CEP112: variants seen among roughly 807,000 people sequenced by gnomAD.
CEP112 encodes centrosomal protein 112.
Under a neutral mutation model 153.0 loss-of-function variants are expected in CEP112, and 127 were observed. The observed-to-expected ratio is 0.83, with a 90% CI of 0.72 to 0.96. CEP112 has a LOEUF of 0.96. Among genes scored for constraint, CEP112 ranks in the 40% least tolerant of loss-of-function variants. The pLI is 0.00. For missense variants in CEP112, 1,089 were observed against 1,101.2 expected (o/e 0.99, Z 0.16); for synonymous variants, 358 against 374.4 (o/e 0.96, Z 0.51).
intron 8 of CEP112, among the ~76,000 whole-genome samples, chr17:66,095,783 C>T (rs936200815): frequency 1.3e-5 from 2 of 152,124 alleles, no homozygotes; most frequent in Non-Finnish European, 2.9e-5. Flanking sequence ...TAAACATCTA[C>T]AATTTTGTCC....
rs549766467 is a variant in CEP112 at position 66,056,961 on chromosome 17, G to A, written c.1075-3082C>T. On this transcript the variant is annotated intron_variant, in intron 11 of 26. Transcript: ENST00000535342. ...TGTTGACAGCTGGGGCAAAAGTCAAGACAGGAAGAAGAATTGTGAGAAAAG... is the reference window on the plus strand; with the variant it reads ...TGTTGACAGCTGGGGCAAAAGTCAAAACAGGAAGAAGAATTGTGAGAAAAG... Among the ~76,000 whole-genome samples the A allele has an allele frequency of 9.9e-5, 15 of 152,264 alleles. No homozygotes were observed. The South Asian group carries it at 1.9e-3, about 19-fold the overall frequency.
intron 12 of CEP112, among the ~76,000 whole-genome samples, chr17:66,046,843 A>G (rs2066231079): frequency 6.6e-6 from 1 of 152,106 alleles, no homozygotes; most frequent in Non-Finnish European, 1.5e-5. Context: ...TGCAGCTGTA[A>G]GCCAGAAAAT....
chr17:65,809,990 T>C lies in CEP112; in HGVS notation c.2394+41814A>G, dbSNP rs147651534. Among the ~76,000 whole-genome samples the C allele has an allele frequency of 5.4e-3, 821 of 152,276 alleles. 4 individuals carry two copies. Among genetic ancestry groups the C allele is most frequent in the Non-Finnish European group, 6.1e-3 (416 of 68,024 alleles). The stretch of plus-strand genomic sequence containing the variant: ...AACCTATCAGAGAAGGAGTGATCAA[T>C]GGTGTCAAAACTTCTGAGAAGTCAA... On this transcript the variant is annotated intron_variant, in intron 21 of 26. Coordinates refer to ENST00000535342, the MANE Select transcript of CEP112 (RefSeq NM_001199165.4).
intron 18 of CEP112, among the ~76,000 whole-genome samples, chr17:65,937,793 G>C (rs1250295087): frequency 1.2e-5 from 1 of 81,100 alleles, no homozygotes; most frequent in Non-Finnish European, 2.5e-5. Context: ...GGAGGGGGGT[G>C]GGGGGGGTCA....
At chr17:65,878,669 T>C (rs542167412) in intron 20 of CEP112, among the ~76,000 whole-genome samples, 2 of 152,088 alleles carry the variant, frequency 1.3e-5, no homozygotes, top group South Asian at 2.1e-4. Flanking sequence ...CATTTAGCTA[T>C]CACACATTCT....
chr17:65,772,011 G>A (rs1329237179), intron 21 of CEP112, among the ~76,000 whole-genome samples: 1 of 151,910 alleles, frequency 6.6e-6, no homozygotes. Context: ...AACACAGCAA[G>A]ACCCTGTCCC....
chr17:66,053,676 G>A (rs1598241829), intron 12 of CEP112, 60 bp downstream of exon 12: 2 of 1,532,200 alleles, frequency 1.3e-6, no homozygotes, highest in Non-Finnish European at 1.8e-6. Flanking sequence ...AGGGAAACAT[G>A]AGGACATGGA....
intron 4 of CEP112, among the ~76,000 whole-genome samples, chr17:66,136,992 C>T (rs1386661682): frequency 1.3e-5 from 2 of 151,750 alleles, no homozygotes; most frequent in Non-Finnish European, 2.9e-5. Flanking sequence ...TGAAAAATGG[C>T]CCAAAGAAAG....
rs187464796 is a variant in CEP112 at position 65,979,374 on chromosome 17, C to T, written c.1737-17776G>A. ...TCAGCCTCCCAAGAAGCTGGGACTA[C>T]AGGTCCACACCTCTACGCGGGTCTA... On this transcript the variant is annotated intron_variant, in intron 17 of 26. Coordinates refer to ENST00000535342, the MANE Select transcript of CEP112 (RefSeq NM_001199165.4). Among the ~76,000 whole-genome samples, 131 of 152,158 alleles carry T rather than the reference C, an allele frequency of 8.6e-4. 3 individuals carry two copies. In the South Asian group the frequency reaches 8.7e-3, roughly 10 times the overall value.
At chr17:65,892,927 G>C (rs950782939) in intron 20 of CEP112, among the ~76,000 whole-genome samples, 19 of 152,090 alleles carry the variant, frequency 1.2e-4, no homozygotes, top group Admixed American at 2.0e-4. Flanking sequence ...AACGAAATAA[G>C]TAAGGTCCCA....
Position 66,037,435 on chromosome 17 carries a change from C to G in CEP112, c.1219-7412G>C, listed in dbSNP as rs77454727. 1.4e-4 allele frequency among the ~76,000 whole-genome samples: 22 copies of G among 152,084 alleles called. 1 individual carries two copies. Among genetic ancestry groups the G allele is most frequent in the Non-Finnish European group, 2.8e-4 (19 of 68,000 alleles). The stretch of plus-strand genomic sequence containing the variant: ...CGTGCTGGTCATGCTAATGTCACTG[C>G]GGTATTATGACATTAGCATTTCAAA... On this transcript the variant is annotated intron_variant, in intron 12 of 26. Transcript: ENST00000535342.
intron 21 of CEP112, among the ~76,000 whole-genome samples, chr17:65,813,709 C>T (rs1423693829): frequency 2.0e-5 from 3 of 152,144 alleles, no homozygotes; most frequent in Non-Finnish European, 2.9e-5. Flanking sequence ...GTGCTTTACA[C>T]ATGGAAAGCA....
chr17:65,985,102 GA>G (rs1382564091), intron 17 of CEP112, among the ~76,000 whole-genome samples: 3 of 152,140 alleles, frequency 2.0e-5, no homozygotes, highest in Non-Finnish European at 4.4e-5. Flanking sequence ...AAAGAAACCT[GA>G]ATATAAAAGC....
intron 4 of CEP112, among the ~76,000 whole-genome samples, chr17:66,161,699 G>T (rs918882541): frequency 6.6e-6 from 1 of 152,048 alleles, no homozygotes; most frequent in Non-Finnish European, 1.5e-5. Context: ...GGGGGCTAGG[G>T]GAGGGATAGC....
chr17:65,650,754 A>AAT (rs2143595931), intron 24 of CEP112, among the ~76,000 whole-genome samples: 1 of 149,964 alleles, frequency 6.7e-6, no homozygotes, highest in Admixed American at 6.7e-5. Flanking sequence ...AAAAAAAAAA[A>AAT]AAATTAGCTG....
At position 66,053,788 on chromosome 17, in the gene CEP112, T is replaced by C. The variant is rs2066555149; in HGVS notation, c.1166A>G (p.Asn389Ser). The change falls in exon 12 of 27, where the codon AAT becomes AGT. Residue 389 changes from asparagine (N) to serine (S), a missense_variant. Asn to Ser is a conservative substitution (Grantham distance 46). Coordinates refer to ENST00000535342, the MANE Select transcript of CEP112 (RefSeq NM_001199165.4). ...ENIQELLEDT[N>S]VRLNKMESEY... ...ACTCTCCATTTTATTCAGACGCACATTTGTATCCTCAAGCAATTCTTGAAT... is the reference window on the plus strand; with the variant it reads ...ACTCTCCATTTTATTCAGACGCACACTTGTATCCTCAAGCAATTCTTGAAT... 1 of 1,613,664 alleles carries C rather than the reference T, an allele frequency of 6.2e-7. No homozygotes were observed. The highest frequency in any genetic ancestry group is 1.7e-5 in the Admixed American group (1 of 59,980).
chr17:65,736,543 A>G (rs1402867744), intron 23 of CEP112, among the ~76,000 whole-genome samples: 3 of 152,188 alleles, frequency 2.0e-5, no homozygotes, highest in Non-Finnish European at 4.4e-5. Context: ...CAGTGTATAT[A>G]GAGAAAACAA....
intron 10 of CEP112, 49 bp from the exon 11 acceptor site, chr17:66,063,130 G>C (rs2066988899): frequency 1.2e-6 from 1 of 849,986 alleles, no homozygotes; most frequent in East Asian, 2.9e-5. Flanking sequence ...GGTACATAGA[G>C]TTTGATGATA....
chr17:65,797,761 A>AT lies in CEP112; in HGVS notation c.2395-47038dup, dbSNP rs545710159. ...GGTTAAGTTTGAAGAGGATTAAGTCATTTTTTAAGCCCAGTTGAAAGCTGG... is the reference window on the plus strand; with the variant it reads ...GGTTAAGTTTGAAGAGGATTAAGTCATTTTTTTAAGCCCAGTTGAAAGCTGG... On this transcript the variant is annotated intron_variant, in intron 21 of 26. Coordinates refer to ENST00000535342, the MANE Select transcript of CEP112 (RefSeq NM_001199165.4). Among the ~76,000 whole-genome samples the AT allele has an allele frequency of 4.4e-3, 676 of 152,314 alleles. 5 individuals carry two copies. The highest frequency in any genetic ancestry group is 7.2e-3 in the Admixed American group (110 of 15,298).
Sources: gnomAD v4.1 joint callset for allele counts (sites outside exome capture counted in the v4.1 genomes callset) on GRCh38, gnomAD v4.1.1 for gene constraint, MANE v1.5 for transcripts, NCBI Gene and HGNC (gene_info 2026-07-23, HGNC 2026-07-21) for gene names.